GFOD1: variants seen among roughly 807,000 people sequenced by gnomAD.
GFOD1 encodes glucose-fructose oxidoreductase domain-containing protein 1.
In GFOD1, 9 loss-of-function variants were observed where a neutral mutation model predicts 25.4. The ratio of observed to expected loss-of-function variants is 0.35; its 90% CI spans 0.21 to 0.62. GFOD1 has a LOEUF of 0.62. GFOD1 is among the 20% of genes least tolerant of loss of function. GFOD1 has a pLI of 0.72. For missense variants in GFOD1, 403 were observed against 556.9 expected (o/e 0.72, Z 2.78); for synonymous variants, 253 against 245.6 (o/e 1.03, Z -0.28).
At position 13,364,810 on chromosome 6, in the gene GFOD1, G is replaced by T. The variant is rs368352032; in HGVS notation, c.1106C>A (p.Pro369Gln). Reference sequence around the variant, plus strand: ...GATCAGGTAGGCGGGGCTCAGCTCCGGCTCCTCGGTCATGATGGCAATGTT... The same window carrying T: ...GATCAGGTAGGCGGGGCTCAGCTCCTGCTCCTCGGTCATGATGGCAATGTT... ...WQNIAIMTEE[P>Q]ELSPAYLISE... Residue 369 changes from proline (P) to glutamine (Q), a missense_variant, in exon 2 of 2, where the codon CCG becomes CAG. Coordinates refer to ENST00000379287, the MANE Select transcript of GFOD1 (RefSeq NM_018988.4). The surrounding 1 kb of genome is among the most constrained non-coding windows in gnomAD (Gnocchi z 4.1). 1 of 1,613,810 alleles carries T rather than the reference G, an allele frequency of 6.2e-7. No individual in the cohort carries two copies. Among genetic ancestry groups the T allele is most frequent in the Non-Finnish European group, 8.5e-7 (1 of 1,180,036 alleles).
At chr6:13,387,163 G>A (rs1785491440) in intron 1 of GFOD1, among the ~76,000 whole-genome samples, 1 of 152,162 alleles carries the variant, frequency 6.6e-6, no homozygotes, top group South Asian at 2.1e-4. Context: ...CTTCTCTAAT[G>A]CAGCACAGTA....
chr6:13,410,864 G>A (rs1786065746), intron 1 of GFOD1, among the ~76,000 whole-genome samples: 1 of 152,108 alleles, frequency 6.6e-6, no homozygotes, highest in African/African-American at 2.4e-5. Context: ...CACTAACGCT[G>A]AGAATCAACA....
chr6:13,423,844 C>T (rs900553855), intron 1 of GFOD1, among the ~76,000 whole-genome samples: 1 of 151,792 alleles, frequency 6.6e-6, no homozygotes, highest in African/African-American at 2.4e-5. Flanking sequence ...GGTCATTCAT[C>T]CTTTCTTTTT....
In GFOD1 at chr6:13,470,192, G is replaced by A. The variant is rs142692489; in HGVS notation, c.253+16446C>T. 7.3e-3 allele frequency: 11,540 copies of A among 1,578,804 alleles called. 58 individuals are homozygous for A. The highest frequency in any genetic ancestry group is 8.5e-3 in the Non-Finnish European group (9,842 of 1,157,604). On this transcript the variant is annotated intron_variant, in intron 1 of 1. Transcript: ENST00000379287. The stretch of plus-strand genomic sequence containing the variant: ...TCCCCAGCACCTGCGCGCGATGAAC[G>A]CATCTATCTGTAATCTTGACTGGGT...
At chr6:13,393,701 G>C (rs766808693) in intron 1 of GFOD1, among the ~76,000 whole-genome samples, 1 of 151,932 alleles carries the variant, frequency 6.6e-6, no homozygotes, top group African/African-American at 2.4e-5. Context: ...TTTTCAGAGA[G>C]GGAGTTGTTA....
rs138998701 is a variant in GFOD1 at position 13,419,890 on chromosome 6, G to A, written c.254-54228C>T. ...AGCCCTTCTCTGCCCACCCCATGGA[G>A]GCTGGCACTTTGCTCACCCCTCGCC... On this transcript the variant is annotated intron_variant, in intron 1 of 1. Transcript: ENST00000379287. Among the ~76,000 whole-genome samples, 279 of 152,310 alleles carry A rather than the reference G, an allele frequency of 1.8e-3. 1 individual carries two copies. The highest frequency in any genetic ancestry group is 6.2e-3 in the African/African-American group (257 of 41,550).
chr6:13,374,265 T>TG (rs1554199391), intron 1 of GFOD1, among the ~76,000 whole-genome samples: 2 of 116,492 alleles, frequency 1.7e-5, no homozygotes, highest in Non-Finnish European at 3.6e-5. Context: ...TAAAAATATG[T>TG]TTTTTTTTTG....
At chr6:13,454,211 A>ACAGC (rs1758148230) in intron 1 of GFOD1, among the ~76,000 whole-genome samples, 1 of 152,194 alleles carries the variant, frequency 6.6e-6, no homozygotes, top group Admixed American at 6.5e-5. Context: ...AGACTCCCTC[A>ACAGC]CAGCCCTCAG....
chr6:13,487,560 C>G lies in GFOD1; in HGVS notation c.-670G>C, dbSNP rs1758902670. 2 of 152,058 alleles carry G rather than the reference C, an allele frequency of 1.3e-5. No individual in the cohort carries two copies. Among genetic ancestry groups the G allele is most frequent in the African/African-American group, 2.4e-5 (1 of 41,428 alleles). The allele number at this position is 152,058 out of a possible 1,614,324, so 9.4% of individuals were successfully genotyped here. ...ATTCTGCTGCCATGTTCGCTCGCCT[C>G]GCGGCTCGGGCGGCCTCGGCCCCAG... On this transcript the variant is annotated 5_prime_UTR_variant, in exon 1 of 2. Transcript: ENST00000379287. This position sits in a 1 kb window ranked among gnomAD's most constrained non-coding sequence, Gnocchi z 4.9.
chr6:13,465,697 A>C (rs1045763387), intron 1 of GFOD1, among the ~76,000 whole-genome samples: 1 of 152,218 alleles, frequency 6.6e-6, no homozygotes, highest in African/African-American at 2.4e-5. Flanking sequence ...CACCGTAACA[A>C]ACCCCTTGTC....
At chr6:13,413,988 A>T (rs1786122461) in intron 1 of GFOD1, among the ~76,000 whole-genome samples, 2 of 152,240 alleles carry the variant, frequency 1.3e-5, no homozygotes, top group African/African-American at 4.8e-5. Flanking sequence ...TCTAGATTCT[A>T]CAGATGATGC....
At chr6:13,436,602 C>G (rs1189461884) in intron 1 of GFOD1, among the ~76,000 whole-genome samples, 1 of 152,204 alleles carries the variant, frequency 6.6e-6, no homozygotes, top group Non-Finnish European at 1.5e-5. Flanking sequence ...TTTACATAGA[C>G]ACATATGGTG....
intron 1 of GFOD1, among the ~76,000 whole-genome samples, chr6:13,410,150 A>T (rs1012865372): frequency 6.6e-6 from 1 of 152,068 alleles, no homozygotes; most frequent in Non-Finnish European, 1.5e-5. Context: ...AAGATGCCTT[A>T]ACTTCAGATA....
chr6:13,383,757 C>G (rs1785411194), intron 1 of GFOD1, among the ~76,000 whole-genome samples: 1 of 152,204 alleles, frequency 6.6e-6, no homozygotes, highest in African/African-American at 2.4e-5. Flanking sequence ...CAACTAACAT[C>G]TAATAGGGAC....
At chr6:13,403,148 C>T (rs1391368431) in intron 1 of GFOD1, among the ~76,000 whole-genome samples, 128 of 144,026 alleles carry the variant, frequency 8.9e-4, no homozygotes, top group African/African-American at 2.5e-3. Flanking sequence ...TTTTTTGAGA[C>T]GGAGTCTCGC....
chr6:13,483,221 G>A (rs1758791809), intron 1 of GFOD1, among the ~76,000 whole-genome samples: 1 of 152,076 alleles, frequency 6.6e-6, no homozygotes, highest in African/African-American at 2.4e-5. Context: ...GTAGGGTGGG[G>A]GGTTTGAGGG....
intron 1 of GFOD1, among the ~76,000 whole-genome samples, chr6:13,445,131 A>G (rs61657352): frequency 0.26 from 39,515 of 152,088 alleles, 5,806 homozygotes; most frequent in Non-Finnish European, 0.32. Context: ...AAGAGGGCTC[A>G]GCAGCCAGCC....
chr6:13,442,880 C>A (rs947491668), intron 1 of GFOD1, among the ~76,000 whole-genome samples: 1 of 152,140 alleles, frequency 6.6e-6, no homozygotes, highest in Non-Finnish European at 1.5e-5. Context: ...GATCAAAGAG[C>A]AATTTTGACT....
chr6:13,480,018 G>A (rs984216830), intron 1 of GFOD1, among the ~76,000 whole-genome samples: 1 of 152,186 alleles, frequency 6.6e-6, no homozygotes, highest in Admixed American at 6.5e-5. Flanking sequence ...GCGTGGCAAT[G>A]CTGGCCAGCA....
Sources: gnomAD v4.1 joint callset for allele counts (sites outside exome capture counted in the v4.1 genomes callset) on GRCh38, gnomAD v4.1.1 for gene constraint, Gnocchi (gnomAD v3.1) non-coding constraint, MANE v1.5 for transcripts, NCBI Gene and HGNC (gene_info 2026-07-23, HGNC 2026-07-21) for gene names.